Variants in NXPH1 observed in about 807,000 individuals in gnomAD.
The protein encoded by NXPH1 is neurexophilin 1.
NXPH1 carries 5 observed loss-of-function variants against 23.7 expected under a neutral mutation model. The ratio of observed to expected loss-of-function variants is 0.21; its 90% CI spans 0.11 to 0.44. The LOEUF (loss-of-function observed/expected upper bound fraction) is 0.44. Ranked by LOEUF, NXPH1 falls within the 20% of genes least tolerant of loss-of-function variation. NXPH1 has a pLI of 0.99. For missense variants in NXPH1, 324 were observed against 321.6 expected, an observed-to-expected ratio of 1.01 and a Z score of -0.06; for synonymous variants, 144 against 122.2, an observed-to-expected ratio of 1.18 and a Z score of -1.18.
At chr7:8,678,224 C>A (rs1314109918) in intron 2 of NXPH1, among the ~76,000 whole-genome samples, 1 of 152,124 alleles carries the variant, frequency 6.6e-6, no homozygotes, top group African/African-American at 2.4e-5. Flanking sequence ...CAAAACTCAC[C>A]AAGTTATGGG....
chr7:8,601,237 GT>G (rs111640265), intron 2 of NXPH1, among the ~76,000 whole-genome samples: 2,814 of 146,848 alleles, frequency 0.019, 85 homozygotes, highest in African/African-American at 0.065. Context: ...TCTCTTTTCT[GT>G]TTTTTTTTTA....
intron 2 of NXPH1, among the ~76,000 whole-genome samples, chr7:8,626,196 A>C (rs1019310256): frequency 6.6e-6 from 1 of 152,052 alleles, no homozygotes; most frequent in African/African-American, 2.4e-5. Context: ...ATTCTGAAAA[A>C]AAAAAGAACA....
intron 2 of NXPH1, among the ~76,000 whole-genome samples, chr7:8,519,588 GA>G (rs780138588): frequency 1.3e-5 from 2 of 152,128 alleles, no homozygotes; most frequent in Admixed American, 6.6e-5. Flanking sequence ...TTTTTGCTGT[GA>G]AATTGAATTG....
chr7:8,480,806 C>T (rs1037815144), intron 2 of NXPH1, among the ~76,000 whole-genome samples: 2 of 152,316 alleles, frequency 1.3e-5, no homozygotes, highest in South Asian at 2.1e-4. Flanking sequence ...TCCCCCTCCC[C>T]ACCAAGCAAT....
At chr7:8,628,935 G>A (rs2115132719) in intron 2 of NXPH1, among the ~76,000 whole-genome samples, 1 of 151,134 alleles carries the variant, frequency 6.6e-6, no homozygotes, top group South Asian at 2.1e-4. Flanking sequence ...ACTATCATTA[G>A]GCTAATGAGA....
At chr7:8,641,514 C>G (rs1459287914) in intron 2 of NXPH1, among the ~76,000 whole-genome samples, 3 of 152,114 alleles carry the variant, frequency 2.0e-5, no homozygotes, top group African/African-American at 7.2e-5. Context: ...CAACACTACT[C>G]CACTCCAATT....
At chr7:8,719,524 C>A (rs1251876775) in intron 2 of NXPH1, among the ~76,000 whole-genome samples, 1 of 152,154 alleles carries the variant, frequency 6.6e-6, no homozygotes, top group East Asian at 1.9e-4. Context: ...GTCATAATTT[C>A]ACATTCTAAA....
At chr7:8,520,523 C>A (rs2128615561) in intron 2 of NXPH1, among the ~76,000 whole-genome samples, 1 of 152,228 alleles carries the variant, frequency 6.6e-6, no homozygotes, top group Middle Eastern at 3.4e-3. Context: ...AGGAAAGTGA[C>A]CCAAAGGGAA....
chr7:8,497,789 A>C (rs1423101300), intron 2 of NXPH1, among the ~76,000 whole-genome samples: 1 of 152,092 alleles, frequency 6.6e-6, no homozygotes, highest in African/African-American at 2.4e-5. Flanking sequence ...GTAGATTGTA[A>C]AAATTTTCTC....
chr7:8,561,384 CT>C (rs1447579355), intron 2 of NXPH1, among the ~76,000 whole-genome samples: 903 of 47,236 alleles, frequency 0.019, 7 homozygotes, highest in African/African-American at 0.058. Context: ...ACACACACAC[CT>C]CTCTCTCTCT....
intron 2 of NXPH1, among the ~76,000 whole-genome samples, chr7:8,677,984 A>G (rs374409823): frequency 3.3e-5 from 5 of 152,094 alleles, no homozygotes; most frequent in Non-Finnish European, 1.5e-5. Flanking sequence ...TTATAAAATA[A>G]TCTTTAGTAT....
chr7:8,723,217 T>G (rs527441107), intron 2 of NXPH1, among the ~76,000 whole-genome samples: 1 of 152,332 alleles, frequency 6.6e-6, no homozygotes, highest in East Asian at 1.9e-4. Context: ...AAGCAATTAT[T>G]ATTTGTCAAT....
chr7:8,445,490 T>C (rs542928845), intron 2 of NXPH1, among the ~76,000 whole-genome samples: 1 of 152,316 alleles, frequency 6.6e-6, no homozygotes, highest in South Asian at 2.1e-4. Context: ...TTACACATAG[T>C]GTAACGGGGC....
chr7:8,459,221 T>G (rs1816649967), intron 2 of NXPH1, among the ~76,000 whole-genome samples: 1 of 152,138 alleles, frequency 6.6e-6, no homozygotes, highest in African/African-American at 2.4e-5. Flanking sequence ...GACATAAAAT[T>G]ATTCATTTTT....
rs944034373 is a variant in NXPH1 at position 8,522,450 on chromosome 7, T to C, written c.54+86683T>C. Among the ~76,000 whole-genome samples the C allele has an allele frequency of 1.6e-4, 25 of 152,210 alleles. 1 individual carries two copies. The highest frequency in any genetic ancestry group is 3.5e-4 in the Non-Finnish European group (24 of 68,040). On this transcript the variant is annotated intron_variant, in intron 2 of 2. Transcript: ENST00000405863. ...AAAGTCCCTTAGAAAATGGATCTAA[T>C]TTGTTTTATGTAGTTAATATTATTT...
At chr7:8,725,968 C>A (rs1314871287) in intron 2 of NXPH1, among the ~76,000 whole-genome samples, 1 of 152,138 alleles carries the variant, frequency 6.6e-6, no homozygotes, top group South Asian at 2.1e-4. Flanking sequence ...CAACTAATCT[C>A]CATTATTTAA....
intron 2 of NXPH1, among the ~76,000 whole-genome samples, chr7:8,565,876 A>G (rs897175763): frequency 3.3e-5 from 5 of 151,766 alleles, no homozygotes; most frequent in Non-Finnish European, 5.9e-5. Context: ...CAAAGTTGTT[A>G]AAGTATTCAT....
chr7:8,591,538 T>A (rs1481592913), intron 2 of NXPH1, among the ~76,000 whole-genome samples: 3 of 152,042 alleles, frequency 2.0e-5, no homozygotes, highest in Non-Finnish European at 2.9e-5. Context: ...CCTCCAAGAT[T>A]TTCCACATCT....
At chr7:8,575,344 C>A (rs908088803) in intron 2 of NXPH1, among the ~76,000 whole-genome samples, 2 of 152,104 alleles carry the variant, frequency 1.3e-5, no homozygotes, top group African/African-American at 4.8e-5. Context: ...GCTGACAGGT[C>A]ATTAATCCTT....
Sources: gnomAD v4.1 joint callset for allele counts (sites outside exome capture counted in the v4.1 genomes callset) on GRCh38, gnomAD v4.1.1 for gene constraint, MANE v1.5 for transcripts, NCBI Gene and HGNC (gene_info 2026-07-23, HGNC 2026-07-21) for gene names.